The following NXN variants were observed in gnomAD, a reference collection of about 807,000 sequenced individuals.
NXN encodes nucleoredoxin 1.
A neutral mutation model predicts 48.6 loss-of-function variants in NXN; 16 were observed. The ratio of observed to expected loss-of-function variants is 0.33; its 90% CI spans 0.22 to 0.50. NXN has a LOEUF of 0.50. NXN is among the 20% of genes least tolerant of loss of function. The pLI is 0.98. For missense variants in NXN, 492 were observed against 605.5 expected (o/e 0.81, Z 1.97); for synonymous variants, 281 against 269.6 (o/e 1.04, Z -0.41).
At chr17:846,142 GA>G (rs2067857917) in intron 1 of NXN, among the ~76,000 whole-genome samples, 1 of 152,012 alleles carries the variant, frequency 6.6e-6, no homozygotes, top group South Asian at 2.1e-4. Context: ...CAATTTTAAG[GA>G]AATTGCCAGG....
chr17:887,388 C>T (rs1181062762), intron 1 of NXN, among the ~76,000 whole-genome samples: 1 of 152,094 alleles, frequency 6.6e-6, no homozygotes, highest in African/African-American at 2.4e-5. Flanking sequence ...GGGAAGCTGC[C>T]GTTCATGAGC....
intron 1 of NXN, among the ~76,000 whole-genome samples, chr17:880,544 C>T (rs575063775): frequency 6.6e-6 from 1 of 152,232 alleles, no homozygotes; most frequent in African/African-American, 2.4e-5. Context: ...TAAAAAAGAT[C>T]GTTTGAACCT....
intron 1 of NXN, among the ~76,000 whole-genome samples, chr17:906,032 T>A (rs1239285435): frequency 6.6e-6 from 1 of 151,866 alleles, no homozygotes. Flanking sequence ...TCTTAATATA[T>A]TTTAACCCAA....
At chr17:845,130 C>T (rs1307067995) in intron 1 of NXN, among the ~76,000 whole-genome samples, 1 of 152,178 alleles carries the variant, frequency 6.6e-6, no homozygotes, top group Non-Finnish European at 1.5e-5. Flanking sequence ...TGAGAAAGGT[C>T]AACTTCATAA....
intron 1 of NXN, among the ~76,000 whole-genome samples, chr17:962,986 C>G (rs958040171): frequency 2.0e-5 from 3 of 152,074 alleles, no homozygotes; most frequent in African/African-American, 7.2e-5. Flanking sequence ...CATTTCCCAT[C>G]TAAGGAGAGC....
chr17:841,433 G>GTCCTCCCGACCACGGCGCATCTCACACCC lies in NXN; in HGVS notation c.361-15356_361-15355insGGGTGTGAGATGCGCCGTGGTCGGGAGGA, dbSNP rs1567827465. Among the ~76,000 whole-genome samples the GTCCTCCCGACCACGGCGCATCTCACACCC allele has an allele frequency of 3.1e-4, 16 of 51,230 alleles. 3 individuals carry two copies. The South Asian group carries it at 8.3e-3, about 27-fold the overall frequency. 33.6% of individuals were successfully genotyped at this position (51,230 alleles called of 152,430 possible). ...CCCTGACCACGGCGCATCTCACACG[G>GTCCTCCCGACCACGGCGCATCTCACACCC]GCGAGCAGGTCCCCCTGACCACGGC... On this transcript the variant is annotated intron_variant, in intron 1 of 7. Coordinates refer to ENST00000336868, the MANE Select transcript of NXN (RefSeq NM_022463.5).
chr17:972,886 C>G lies in NXN; in HGVS notation c.360+6433G>C, dbSNP rs2069405201. ...CTCTACTAATAATACAAAAAATTAG[C>G]CAGGGGTGGTGACGGGCCCCTGTAG... On this transcript the variant is annotated intron_variant, in intron 1 of 7. Transcript: ENST00000336868. Among the ~76,000 whole-genome samples, 3 of 152,184 alleles carry G rather than the reference C, an allele frequency of 2.0e-5. No homozygotes were observed. The South Asian group carries it at 6.2e-4, about 32-fold the overall frequency.
At chr17:970,441 T>TA (rs1363120658) in intron 1 of NXN, among the ~76,000 whole-genome samples, 1 of 151,370 alleles carries the variant, frequency 6.6e-6, no homozygotes, top group Non-Finnish European at 1.5e-5. Flanking sequence ...GCCAAATCAT[T>TA]AAAAAGGCCC....
chr17:828,463 G>A (rs1429904999), intron 1 of NXN, among the ~76,000 whole-genome samples: 7 of 136,632 alleles, frequency 5.1e-5, no homozygotes, highest in African/African-American at 2.8e-5. Flanking sequence ...GTGCAATGGT[G>A]TGATCTAGGC....
intron 6 of NXN, 37 bp downstream of exon 6, chr17:805,031 A>ACCCCC: frequency 9.9e-7 from 1 of 1,009,712 alleles, no homozygotes; most frequent in Non-Finnish European, 1.4e-6. Flanking sequence ...CCCGCCCCCC[A>ACCCCC]GCCACCCCTC....
At position 817,610 on chromosome 17, in the gene NXN, A is replaced by G. The variant is rs151285551; in HGVS notation, c.820+1829T>C. 3.2e-3 allele frequency among the ~76,000 whole-genome samples: 487 copies of G among 151,126 alleles called. 2 individuals carry two copies. The highest frequency in any genetic ancestry group is 0.011 in the African/African-American group (470 of 41,026). ...CGTGAACCCGGGAGGCGGAGCTTGC[A>G]GTGAACCAAGATTGCGCCACTGCAC... is the stretch of plus-strand genomic sequence containing the variant. On this transcript the variant is annotated intron_variant, in intron 5 of 7. Transcript: ENST00000336868.
rs1371548590 is a variant in NXN at position 956,607 on chromosome 17, G to C, written c.360+22712C>G. ...TTTTTGTATTTTTAGTAGCAATGGG[G>C]TTTCACCGTGTTAGCCAGGATGGTC... On this transcript the variant is annotated intron_variant, in intron 1 of 7. Transcript: ENST00000336868. The surrounding 1 kb of genome is among the most constrained non-coding windows in gnomAD (Gnocchi z 4.1). Among the ~76,000 whole-genome samples the C allele has an allele frequency of 6.6e-6, 1 of 152,058 alleles. No homozygotes were observed. The highest frequency in any genetic ancestry group is 2.4e-5 in the African/African-American group (1 of 41,398).
chr17:953,627 CTTA>C (rs2069136719), intron 1 of NXN, among the ~76,000 whole-genome samples: 1 of 152,204 alleles, frequency 6.6e-6, no homozygotes, highest in Non-Finnish European at 1.5e-5. Flanking sequence ...AACAGTTGTA[CTTA>C]TCACTCCACA....
At chr17:860,666 T>A (rs1433788186) in intron 1 of NXN, among the ~76,000 whole-genome samples, 7 of 152,260 alleles carry the variant, frequency 4.6e-5, no homozygotes, top group Non-Finnish European at 1.0e-4. Context: ...AGTGCTGGGA[T>A]GACAGGCGTG....
At position 956,284 on chromosome 17, in the gene NXN, TAAG is replaced by T. The variant is rs1185968229; in HGVS notation, c.360+23032_360+23034del. Among the ~76,000 whole-genome samples, 1 of 152,134 alleles carries T rather than the reference TAAG, an allele frequency of 6.6e-6. No homozygotes were observed. Among genetic ancestry groups the T allele is most frequent in the African/African-American group, 2.4e-5 (1 of 41,408 alleles). On this transcript the variant is annotated intron_variant, in intron 1 of 7. Transcript: ENST00000336868. This position sits in a 1 kb window ranked among gnomAD's most constrained non-coding sequence, Gnocchi z 4.1. ...AATAAGAGGTGTCGAACGTGTTAAG[TAAG>T]AAGGACACAAGGAGGAAAGACAGTT... is the stretch of plus-strand genomic sequence containing the variant.
At chr17:897,674 T>G (rs7225048) in intron 1 of NXN, among the ~76,000 whole-genome samples, 1 of 134,262 alleles carries the variant, frequency 7.4e-6, no homozygotes, top group Non-Finnish European at 1.7e-5. Context: ...CAGCATTTGT[T>G]TTTCTTTTAT....
intron 1 of NXN, among the ~76,000 whole-genome samples, chr17:914,816 C>T (rs575621376): frequency 6.6e-6 from 1 of 152,232 alleles, no homozygotes; most frequent in Non-Finnish European, 1.5e-5. Context: ...ACCAGGGCTT[C>T]CCCTGGAGGA....
chr17:866,400 T>C (rs903756871), intron 1 of NXN, among the ~76,000 whole-genome samples: 4 of 152,106 alleles, frequency 2.6e-5, no homozygotes, highest in African/African-American at 4.8e-5. Context: ...CTGGGCAACA[T>C]GGTGAAACGC....
chr17:889,745 A>AAGAGAG (rs1285391109), intron 1 of NXN, among the ~76,000 whole-genome samples: 1 of 58,128 alleles, frequency 1.7e-5, no homozygotes, highest in Non-Finnish European at 3.7e-5. Flanking sequence ...GAAAGAAAGA[A>AAGAGAG]AGAAAGAAAG....
Sources: allele counts gnomAD v4.1 joint callset (sites outside exome capture counted in the v4.1 genomes callset), GRCh38; gene constraint gnomAD v4.1.1; non-coding constraint Gnocchi (gnomAD v3.1); transcripts MANE v1.5; gene names NCBI Gene and HGNC (gene_info 2026-07-23, HGNC 2026-07-21).